NKAIN3: variants seen among roughly 807,000 people sequenced by gnomAD.
NKAIN3 encodes the protein sodium/potassium transporting ATPase interacting 3, also known as sodium/potassium-transporting ATPase subunit beta-1-interacting protein 3.
Under a neutral mutation model 30.2 loss-of-function variants are expected in NKAIN3, and 25 were observed. That is an observed-to-expected ratio of 0.83 (90% CI 0.60 to 1.16). The LOEUF (loss-of-function observed/expected upper bound fraction) is 1.16. NKAIN3 is among the 50% of genes most tolerant of loss of function. NKAIN3 has a pLI of 0.00. For missense variants in NKAIN3, 225 were observed against 254.1 expected, an observed-to-expected ratio of 0.89 and a Z score of 0.78; for synonymous variants, 91 against 89.6, an observed-to-expected ratio of 1.02 and a Z score of -0.09.
chr8:62,349,197 T>C (rs1402286477), intron 1 of NKAIN3, among the ~76,000 whole-genome samples: 2 of 152,172 alleles, frequency 1.3e-5, no homozygotes, highest in African/African-American at 4.8e-5. Flanking sequence ...TGCAACGAAA[T>C]TTGTGGCACA....
At chr8:62,382,642 A>G (rs1817312563) in intron 1 of NKAIN3, among the ~76,000 whole-genome samples, 1 of 152,032 alleles carries the variant, frequency 6.6e-6, no homozygotes, top group Non-Finnish European at 1.5e-5. Flanking sequence ...CCTTCTTCCA[A>G]TTTGTCTAAT....
In NKAIN3 at chr8:62,966,860, AT is replaced by A. The variant is rs1230418839; in HGVS notation, c.*1456del. ...TTAACCACCTAAAACTGTTACAAAT[AT>A]TTGTATGTGTGTGAAAGTCTTTTTT... On this transcript the variant is annotated 3_prime_UTR_variant, in exon 7 of 7. Coordinates refer to ENST00000623646, the MANE Select transcript of NKAIN3 (RefSeq NM_001304533.3). Among the ~76,000 whole-genome samples, 6 of 152,088 alleles carry A rather than the reference AT, an allele frequency of 3.9e-5. No homozygotes were observed. The highest frequency in any genetic ancestry group is 8.8e-5 in the Non-Finnish European group (6 of 68,024).
At chr8:62,431,133 A>C (rs747310170) in intron 1 of NKAIN3, among the ~76,000 whole-genome samples, 24 of 151,810 alleles carry the variant, frequency 1.6e-4, no homozygotes, top group Non-Finnish European at 2.9e-4. Context: ...TTTTCCTTTT[A>C]TTAGGTAAAT....
At chr8:62,653,868 A>AT (rs1812694447) in intron 3 of NKAIN3, among the ~76,000 whole-genome samples, 1 of 152,164 alleles carries the variant, frequency 6.6e-6, no homozygotes, top group Non-Finnish European at 1.5e-5. Context: ...GGTTAGGACT[A>AT]CATATAGTCA....
chr8:62,814,595 A>C (rs1219294320), intron 4 of NKAIN3, among the ~76,000 whole-genome samples: 3 of 151,958 alleles, frequency 2.0e-5, no homozygotes, highest in African/African-American at 4.8e-5. Context: ...AACCACTCAA[A>C]TACATGGAAA....
chr8:62,610,001 A>C (rs181898140), intron 3 of NKAIN3, among the ~76,000 whole-genome samples: 1 of 152,070 alleles, frequency 6.6e-6, no homozygotes, highest in African/African-American at 2.4e-5. Context: ...TGTGTAGGGG[A>C]CAAGAGTGAA....
At chr8:62,458,091 T>C (rs551341767) in intron 1 of NKAIN3, among the ~76,000 whole-genome samples, 88 of 152,266 alleles carry the variant, frequency 5.8e-4, no homozygotes, top group Non-Finnish European at 1.1e-3. Context: ...AATAACAGCA[T>C]CATAATAGAC....
intron 1 of NKAIN3, among the ~76,000 whole-genome samples, chr8:62,303,933 T>A (rs946620993): frequency 4.0e-5 from 6 of 150,666 alleles, no homozygotes; most frequent in Admixed American, 3.9e-4. Context: ...ATCTTCTACA[T>A]CTAATTTCGA....
intron 1 of NKAIN3, among the ~76,000 whole-genome samples, chr8:62,439,663 T>C (rs1054190515): frequency 3.9e-5 from 6 of 152,214 alleles, no homozygotes; most frequent in Admixed American, 2.0e-4. Flanking sequence ...CTTAGCCACA[T>C]GGATTCAAAT....
At chr8:62,315,579 C>T (rs542605065) in intron 1 of NKAIN3, among the ~76,000 whole-genome samples, 32 of 151,500 alleles carry the variant, frequency 2.1e-4, no homozygotes, top group Admixed American at 2.1e-3. Flanking sequence ...TTATTATTAG[C>T]TTTGGCAAAG....
chr8:62,984,381 C>A lies in NKAIN3; in HGVS notation c.*18974C>A, dbSNP rs539125080. ...TTTTAATCTTTAACATTTTTACCAG[C>A]AGAAATCATTTTTTTTTTAAATCTC... On this transcript the variant is annotated 3_prime_UTR_variant, in exon 7 of 7. Transcript: ENST00000623646. 1.3e-5 allele frequency: 2 copies of A among 152,216 alleles called. No individual in the cohort carries two copies. The highest frequency in any genetic ancestry group is 4.1e-4 in the South Asian group (2 of 4,822). The allele number at this position is 152,216 out of a possible 1,614,324, so 9.4% of individuals were successfully genotyped here.
intron 4 of NKAIN3, among the ~76,000 whole-genome samples, chr8:62,791,439 T>A (rs974534918): frequency 6.6e-6 from 1 of 152,154 alleles, no homozygotes; most frequent in African/African-American, 2.4e-5. Flanking sequence ...AATATTTTGT[T>A]ATTATTTGGA....
At chr8:62,683,371 C>T (rs1424891386) in intron 3 of NKAIN3, among the ~76,000 whole-genome samples, 4 of 152,110 alleles carry the variant, frequency 2.6e-5, no homozygotes, top group Admixed American at 2.0e-4. Context: ...GCTGTTGCTT[C>T]ACAATGCAGT....
chr8:62,729,041 A>AAATAAAAAAAT (rs1815376943), intron 3 of NKAIN3, among the ~76,000 whole-genome samples: 2 of 73,252 alleles, frequency 2.7e-5, no homozygotes, highest in African/African-American at 8.7e-5. Flanking sequence ...AAAAAAAAAC[A>AAATAAAAAAAT]AAAAAAAAAA....
At chr8:62,925,533 C>A (rs1189965644) in intron 5 of NKAIN3, among the ~76,000 whole-genome samples, 2 of 152,172 alleles carry the variant, frequency 1.3e-5, no homozygotes, top group Non-Finnish European at 2.9e-5. Flanking sequence ...TTGAGACCAG[C>A]AAGCAGACAA....
At chr8:62,616,527 C>T (rs1400753445) in intron 3 of NKAIN3, among the ~76,000 whole-genome samples, 2 of 152,160 alleles carry the variant, frequency 1.3e-5, no homozygotes, top group South Asian at 2.1e-4. Flanking sequence ...CAGTGTACCA[C>T]GGGCAGCACT....
Position 62,310,207 on chromosome 8 carries a change from A to T in NKAIN3, c.54+61080A>T, listed in dbSNP as rs1004225649. On this transcript the variant is annotated intron_variant, in intron 1 of 6. Coordinates refer to ENST00000623646, the MANE Select transcript of NKAIN3 (RefSeq NM_001304533.3). ...GGAGGAAAACTTGAAGTGAAACTTCAGTTGAAAAAAAATATTGGACTTGAA... is the reference window on the plus strand; with the variant it reads ...GGAGGAAAACTTGAAGTGAAACTTCTGTTGAAAAAAAATATTGGACTTGAA... 2.7e-5 allele frequency among the ~76,000 whole-genome samples: 4 copies of T among 150,482 alleles called. 1 individual carries two copies. Among genetic ancestry groups the T allele is most frequent in the African/African-American group, 1.0e-4 (4 of 39,862 alleles).
At chr8:62,808,742 G>C (rs1419278909) in intron 4 of NKAIN3, among the ~76,000 whole-genome samples, 1 of 152,058 alleles carries the variant, frequency 6.6e-6, no homozygotes, top group African/African-American at 2.4e-5. Flanking sequence ...CAAGGCAAAT[G>C]GGGGCAGACC....
At chr8:62,325,392 C>T (rs987552908) in intron 1 of NKAIN3, among the ~76,000 whole-genome samples, 6 of 151,942 alleles carry the variant, frequency 3.9e-5, no homozygotes, top group Non-Finnish European at 7.4e-5. Flanking sequence ...TAGATGGGCA[C>T]TTAGGTTGGT....
Sources: allele counts gnomAD v4.1 joint callset (sites outside exome capture counted in the v4.1 genomes callset), GRCh38; gene constraint gnomAD v4.1.1; transcripts MANE v1.5; gene names NCBI Gene and HGNC (gene_info 2026-07-23, HGNC 2026-07-21).